The following FAM135B variants were observed in gnomAD, a reference collection of about 807,000 sequenced individuals.
The protein encoded by FAM135B is family with sequence similarity 135 member B, also known as protein FAM135B.
In FAM135B, 43 loss-of-function variants were observed where a neutral mutation model predicts 127.7. The ratio of observed to expected loss-of-function variants is 0.34; its 90% CI spans 0.26 to 0.43. The LOEUF is 0.43. FAM135B is among the 20% of genes least tolerant of loss of function. FAM135B has a pLI of 1.00. For synonymous variants in FAM135B, 670 were observed against 665.1 expected (o/e 1.01, Z -0.11); for missense variants, 1,558 against 1,725.6 (o/e 0.90, Z 1.72).
intron 12 of FAM135B, among the ~76,000 whole-genome samples, chr8:138,159,505 C>A (rs1563707918): frequency 6.7e-6 from 1 of 149,100 alleles, no homozygotes; most frequent in Non-Finnish European, 1.5e-5. Context: ...ATCGCAAGGA[C>A]AGAAAACCAA....
intron 2 of FAM135B, chr8:138,367,342 T>A (rs1830802523): frequency 4.4e-6 from 2 of 455,594 alleles, no homozygotes; most frequent in African/African-American, 4.0e-5. Flanking sequence ...CAATGAGCCT[T>A]GGAGGTAAGT....
chr8:138,326,272 G>A (rs1827792984), intron 2 of FAM135B, among the ~76,000 whole-genome samples: 1 of 152,082 alleles, frequency 6.6e-6, no homozygotes, highest in Non-Finnish European at 1.5e-5. Context: ...ATCCAGGGAG[G>A]TACCATTTGC....
At chr8:138,278,194 C>A (rs1823978530) in intron 3 of FAM135B, among the ~76,000 whole-genome samples, 1 of 151,572 alleles carries the variant, frequency 6.6e-6, no homozygotes, top group Admixed American at 6.6e-5. Context: ...AAAATTGCTG[C>A]CGAGGATGTA....
intron 1 of FAM135B, among the ~76,000 whole-genome samples, chr8:138,442,267 T>TATATATATGC (rs1554694345): frequency 3.5e-4 from 30 of 86,748 alleles, no homozygotes; most frequent in African/African-American, 1.2e-3. Context: ...TATATATATA[T>TATATATATGC]ATATATATAT....
At chr8:138,365,005 C>G (rs1170397636) in intron 2 of FAM135B, among the ~76,000 whole-genome samples, 1 of 152,048 alleles carries the variant, frequency 6.6e-6, no homozygotes, top group Non-Finnish European at 1.5e-5. Context: ...CGCCACCACT[C>G]TCAGGTGATT....
intron 7 of FAM135B, among the ~76,000 whole-genome samples, chr8:138,209,119 G>A (rs898464522): frequency 6.6e-6 from 1 of 152,052 alleles, no homozygotes; most frequent in Non-Finnish European, 1.5e-5. Flanking sequence ...CTAATTGCTG[G>A]GTTTTTTTGG....
intron 1 of FAM135B, among the ~76,000 whole-genome samples, chr8:138,420,223 T>A (rs1349493767): frequency 6.6e-6 from 1 of 151,526 alleles, no homozygotes; most frequent in African/African-American, 2.4e-5. Flanking sequence ...TTACAACACC[T>A]CTATGCATGC....
intron 7 of FAM135B, among the ~76,000 whole-genome samples, chr8:138,234,867 G>T (rs1163354665): frequency 6.6e-6 from 1 of 152,148 alleles, no homozygotes; most frequent in Non-Finnish European, 1.5e-5. Flanking sequence ...ATAATCAGGA[G>T]ACGATAATGA....
At chr8:138,377,515 G>C (rs1519367) in intron 1 of FAM135B, among the ~76,000 whole-genome samples, 75,373 of 152,062 alleles carry the variant, frequency 0.5, 20,729 homozygotes, top group East Asian at 0.82. Flanking sequence ...AAAGAACACT[G>C]AAGACAGAGA....
Position 138,451,446 on chromosome 8 carries a change from G to T in FAM135B, c.-20+45225C>A, listed in dbSNP as rs1057198617. Among the ~76,000 whole-genome samples the T allele has an allele frequency of 2.0e-5, 3 of 152,348 alleles. No individual in the cohort carries two copies. In the East Asian group the frequency reaches 5.8e-4, roughly 29 times the overall value. ...AAATCCTAAAAATAGAGAAGGTCTTGAAGGATGAAAAGGAAACAACAGTAG... is the reference window on the plus strand; with the variant it reads ...AAATCCTAAAAATAGAGAAGGTCTTTAAGGATGAAAAGGAAACAACAGTAG... On this transcript the variant is annotated intron_variant, in intron 1 of 19. Transcript: ENST00000395297.
chr8:138,348,233 C>T (rs750862249), intron 2 of FAM135B, among the ~76,000 whole-genome samples: 12 of 139,662 alleles, frequency 8.6e-5, no homozygotes, highest in African/African-American at 1.6e-4. Flanking sequence ...TTCCCAGGTT[C>T]AAGCAATTTT....
rs373485950 is a variant in FAM135B at position 138,300,896 on chromosome 8, A to G, written c.157+9945T>C. Reference sequence around the variant, plus strand: ...CTCCCGAGTAGCTGGGACTATAGGCATGCACCAACACGCCCAGCTAATTTT... The same window carrying G: ...CTCCCGAGTAGCTGGGACTATAGGCGTGCACCAACACGCCCAGCTAATTTT... On this transcript the variant is annotated intron_variant, in intron 3 of 19. Transcript: ENST00000395297. 1.6e-4 allele frequency among the ~76,000 whole-genome samples: 24 copies of G among 151,996 alleles called. No individual in the cohort carries two copies. The East Asian group carries it at 2.1e-3, about 14-fold the overall frequency.
chr8:138,357,223 C>A (rs1830144831), intron 2 of FAM135B, among the ~76,000 whole-genome samples: 1 of 152,026 alleles, frequency 6.6e-6, no homozygotes, highest in East Asian at 1.9e-4. Flanking sequence ...ATGTTTTTCC[C>A]CCATTTATAA....
At chr8:138,208,418 T>C (rs1299799843) in intron 7 of FAM135B, among the ~76,000 whole-genome samples, 2 of 152,256 alleles carry the variant, frequency 1.3e-5, no homozygotes, top group Non-Finnish European at 2.9e-5. Flanking sequence ...TTTTTGCTCA[T>C]AGTTTTCATT....
rs1016169161 is a variant in FAM135B, at chr8:138,243,888, G to C, written c.543-820C>G. On this transcript the variant is annotated intron_variant, in intron 6 of 19. Transcript: ENST00000395297. This position sits in a 1 kb window ranked among gnomAD's most constrained non-coding sequence, Gnocchi z 7.5. ...CTAATGGATGTTTTGTCATATTGTGGATACTATATTCTAGGCATGTTTTAG... is the reference window on the plus strand; with the variant it reads ...CTAATGGATGTTTTGTCATATTGTGCATACTATATTCTAGGCATGTTTTAG... Among the ~76,000 whole-genome samples the C allele has an allele frequency of 6.6e-6, 1 of 151,898 alleles. No individual in the cohort carries two copies. Among genetic ancestry groups the C allele is most frequent in the Non-Finnish European group, 1.5e-5 (1 of 68,000 alleles).
chr8:138,245,289 T>A (rs1396589248), intron 6 of FAM135B, among the ~76,000 whole-genome samples: 1 of 152,168 alleles, frequency 6.6e-6, no homozygotes, highest in East Asian at 1.9e-4. Context: ...CATTATAAAA[T>A]GGGAGTGAAG....
chr8:138,458,126 T>G (rs1836909059), intron 1 of FAM135B, among the ~76,000 whole-genome samples: 1 of 152,160 alleles, frequency 6.6e-6, no homozygotes, highest in Admixed American at 6.5e-5. Flanking sequence ...CACTCCAGCT[T>G]AGGTGACAGA....
At chr8:138,384,305 G>T (rs1210717527) in intron 1 of FAM135B, among the ~76,000 whole-genome samples, 4 of 152,176 alleles carry the variant, frequency 2.6e-5, no homozygotes, top group Non-Finnish European at 5.9e-5. Context: ...AGTCTGGGAG[G>T]CTAGTGGTTG....
rs1816881184 is a variant in FAM135B at position 138,138,835 on chromosome 8, C to T, written c.3901+151G>A. On this transcript the variant is annotated intron_variant, in intron 18 of 19. Transcript: ENST00000395297. Reference sequence around the variant, plus strand: ...GAGCTGAGTTCCTGGTAGCTGTTGGCCTCCCAATGAGCCAAAGAGGCTTTG... The same window carrying T: ...GAGCTGAGTTCCTGGTAGCTGTTGGTCTCCCAATGAGCCAAAGAGGCTTTG... 4 of 578,312 alleles carry T rather than the reference C, an allele frequency of 6.9e-6. No individual in the cohort carries two copies. The South Asian group carries it at 9.4e-5, about 14-fold the overall frequency. 35.8% of individuals were successfully genotyped at this position (578,312 alleles called of 1,614,324 possible).
Sources: allele counts gnomAD v4.1 joint callset (sites outside exome capture counted in the v4.1 genomes callset), GRCh38; gene constraint gnomAD v4.1.1; non-coding constraint Gnocchi (gnomAD v3.1); transcripts MANE v1.5; gene names NCBI Gene and HGNC (gene_info 2026-07-23, HGNC 2026-07-21).